TBC1D5: variants seen among roughly 807,000 people sequenced by gnomAD.
TBC1D5 encodes the protein TBC1 domain family member 5.
A neutral mutation model predicts 100.3 loss-of-function variants in TBC1D5; 75 were observed. That is an observed-to-expected ratio of 0.75 (90% CI 0.62 to 0.91). The LOEUF is 0.91. TBC1D5 is among the 40% of genes least tolerant of loss of function. The pLI is 0.00. For synonymous variants in TBC1D5, 323 were observed against 325.6 expected, an observed-to-expected ratio of 0.99 and a Z score of 0.09; for missense variants, 910 against 942.4, an observed-to-expected ratio of 0.97 and a Z score of 0.45.
intron 1 of TBC1D5, among the ~76,000 whole-genome samples, chr3:17,637,078 G>A (rs2064017199): frequency 6.7e-6 from 1 of 149,236 alleles, no homozygotes; most frequent in African/African-American, 2.5e-5. Context: ...CTGGAGTGCA[G>A]TGGCGTGATC....
chr3:17,484,455 G>GGT (rs34847216), intron 3 of TBC1D5, among the ~76,000 whole-genome samples: 3,058 of 111,512 alleles, frequency 0.027, 146 homozygotes, highest in African/African-American at 0.05. Context: ...GTAACACCAG[G>GGT]GTGTGTGTGT....
chr3:17,653,390 G>A (rs1008669544), intron 1 of TBC1D5, among the ~76,000 whole-genome samples: 4 of 152,134 alleles, frequency 2.6e-5, no homozygotes, highest in Admixed American at 1.3e-4. Flanking sequence ...TACACTGAGT[G>A]TATCAGAGGA....
At chr3:17,446,092 G>T (rs574677388) in intron 3 of TBC1D5, among the ~76,000 whole-genome samples, 29 of 152,278 alleles carry the variant, frequency 1.9e-4, no homozygotes, top group African/African-American at 6.3e-4. Context: ...GTTCTCCTCT[G>T]TGGCATAAAA....
At position 17,563,781 on chromosome 3, in the gene TBC1D5, T is replaced by A. The variant is rs980947773; in HGVS notation, c.-35-55176A>T. On this transcript the variant is annotated intron_variant, in intron 2 of 21. Coordinates refer to ENST00000253692, the Ensembl canonical transcript of TBC1D5. ...TGTTGTTGTTTTTGTTTTTTGTTTT[T>A]TGTTTTTTTGGTTTTTTTTGAGACG... is the stretch of plus-strand genomic sequence containing the variant. Among the ~76,000 whole-genome samples, 3 of 152,128 alleles carry A rather than the reference T, an allele frequency of 2.0e-5. No homozygotes were observed. The East Asian group carries it at 5.8e-4, about 29-fold the overall frequency.
At chr3:17,380,037 G>GT (rs1386474081) in intron 9 of TBC1D5, among the ~76,000 whole-genome samples, 1 of 133,212 alleles carries the variant, frequency 7.5e-6, no homozygotes. Flanking sequence ...GTACAGCTGT[G>GT]ACTGTGTATG....
intron 15 of TBC1D5, among the ~76,000 whole-genome samples, chr3:17,267,253 T>C (rs754393557): frequency 1.3e-5 from 2 of 152,160 alleles, no homozygotes; most frequent in African/African-American, 2.4e-5. Context: ...TTTATATATA[T>C]GGAAAGTAGG....
intron 16 of TBC1D5, among the ~76,000 whole-genome samples, chr3:17,249,958 T>C (rs2077051202): frequency 6.6e-6 from 1 of 152,148 alleles, no homozygotes; most frequent in Non-Finnish European, 1.5e-5. Flanking sequence ...TGAATACATA[T>C]GAAATAGTGC....
chr3:17,535,071 T>C (rs2096269479), intron 2 of TBC1D5, among the ~76,000 whole-genome samples: 3 of 152,176 alleles, frequency 2.0e-5, no homozygotes, highest in South Asian at 2.1e-4. Context: ...TGTAACAATA[T>C]AGTTTAAACT....
chr3:17,657,186 A>G (rs751756822), intron 1 of TBC1D5, among the ~76,000 whole-genome samples: 1 of 152,154 alleles, frequency 6.6e-6, no homozygotes, highest in Non-Finnish European at 1.5e-5. Context: ...CTCCCTGCGT[A>G]TATCTCTATA....
chr3:17,704,741 CA>C, intron 1 of TBC1D5, among the ~76,000 whole-genome samples: 2 of 57,352 alleles, frequency 3.5e-5, no homozygotes, highest in Non-Finnish European at 3.6e-5. Context: ...GCTGGCCGGG[CA>C]GAGGGACTCC....
intron 13 of TBC1D5, chr3:17,340,801 T>C (rs546503923): frequency 6.6e-6 from 1 of 152,190 alleles, no homozygotes; most frequent in Non-Finnish European, 1.5e-5. Flanking sequence ...CTAAAGAATT[T>C]TATCTATTCA....
intron 4 of TBC1D5, among the ~76,000 whole-genome samples, chr3:17,421,543 T>C (rs2094207997): frequency 6.6e-6 from 1 of 152,280 alleles, no homozygotes. Context: ...ACGGCCAACT[T>C]TGTCAGCTGG....
intron 2 of TBC1D5, among the ~76,000 whole-genome samples, chr3:17,539,375 A>G (rs779899030): frequency 6.6e-6 from 1 of 152,338 alleles, no homozygotes; most frequent in Non-Finnish European, 1.5e-5. Context: ...CTCCAGCATC[A>G]GAGAAAAGAC....
chr3:17,159,825 G>A (rs893521614), exon 22 of TBC1D5: 1 of 152,258 alleles, frequency 6.6e-6, no homozygotes, highest in Non-Finnish European at 1.5e-5. Flanking sequence ...AAGAAGGGAA[G>A]GGGTTGTGTA....
chr3:17,448,152 C>G (rs777990913), intron 3 of TBC1D5, among the ~76,000 whole-genome samples: 5 of 152,178 alleles, frequency 3.3e-5, no homozygotes, highest in Non-Finnish European at 7.3e-5. Context: ...AGAAGCAACT[C>G]CTCATTCATT....
At chr3:17,730,425 T>C (rs370417106) in intron 1 of TBC1D5, among the ~76,000 whole-genome samples, 42 of 152,290 alleles carry the variant, frequency 2.8e-4, no homozygotes, top group African/African-American at 9.1e-4. Flanking sequence ...GAAATGCTTG[T>C]TCTTAGAGCA....
chr3:17,187,600 T>C (rs2069296059), intron 18 of TBC1D5, among the ~76,000 whole-genome samples: 1 of 152,184 alleles, frequency 6.6e-6, no homozygotes, highest in South Asian at 2.1e-4. Flanking sequence ...AGTAGTTTGT[T>C]ATGCAGCAAT....
At chr3:17,465,366 G>C (rs2095284461) in intron 3 of TBC1D5, 1 of 186,514 alleles carries the variant, frequency 5.4e-6, no homozygotes, top group African/African-American at 2.4e-5. Context: ...AAGGAATAAG[G>C]AATGTGCCAT....
chr3:17,725,476 A>G (rs2076046820), intron 1 of TBC1D5, among the ~76,000 whole-genome samples: 1 of 151,810 alleles, frequency 6.6e-6, no homozygotes, highest in Non-Finnish European at 1.5e-5. Flanking sequence ...TGGTTCGCTC[A>G]TACTCTACAG....
Sources: allele counts gnomAD v4.1 joint callset (sites outside exome capture counted in the v4.1 genomes callset), GRCh38; gene constraint gnomAD v4.1.1; transcripts MANE v1.5; gene names NCBI Gene and HGNC (gene_info 2026-07-23, HGNC 2026-07-21).